Variants in CNTN6 observed in about 807,000 individuals in gnomAD.
The protein encoded by CNTN6 is contactin 6.
In CNTN6, 137 loss-of-function variants were observed where a neutral mutation model predicts 122.8. That is an observed-to-expected ratio of 1.12 (90% CI 0.97 to 1.29). CNTN6 has a LOEUF of 1.29. CNTN6 is among the 50% of genes most tolerant of loss of function. The pLI, the probability that CNTN6 is intolerant of heterozygous loss-of-function variation, is 0.00. For synonymous variants in CNTN6, 570 were observed against 426.0 expected (o/e 1.34, Z -4.16); for missense variants, 1,634 against 1,223.4 (o/e 1.34, Z -5.01).
chr3:1,323,085 T>G (rs1392499874), intron 8 of CNTN6, among the ~76,000 whole-genome samples: 2 of 151,730 alleles, frequency 1.3e-5, no homozygotes, highest in African/African-American at 4.8e-5. Flanking sequence ...ATCTGTAAAC[T>G]GGAAATCAAT....
rs993802505 is a variant in CNTN6 at position 1,383,349 on chromosome 3, G to A, written c.2458G>A (p.Glu820Lys). The change falls in exon 19 of 23, where the codon GAG (glutamate) becomes AAG (lysine). Residue 820 changes from glutamate to lysine, a missense_variant. Coordinates refer to ENST00000446702, the MANE Select transcript of CNTN6 (RefSeq NM_001289080.2). ...CCAGAGTTTTTCTGCTTCTGAAATG[G>A]AGGTTTCATGGAATGCTATTGCCTG... The part of the protein sequence containing the change: ...SLQSFSASEM[E>K]VSWNAIAWNR... The A allele has an allele frequency of 3.1e-6, 5 of 1,614,030 alleles. No individual in the cohort carries two copies. The highest frequency in any genetic ancestry group is 3.4e-6 in the Non-Finnish European group (4 of 1,179,906).
intron 4 of CNTN6, among the ~76,000 whole-genome samples, chr3:1,229,536 T>C (rs1264777851): frequency 6.6e-6 from 1 of 152,190 alleles, no homozygotes; most frequent in East Asian, 1.9e-4. Flanking sequence ...ATCAATGCAC[T>C]CTTTGATATA....
intron 2 of CNTN6, among the ~76,000 whole-genome samples, chr3:1,171,799 G>T (rs1188318448): frequency 3.9e-5 from 6 of 152,194 alleles, no homozygotes; most frequent in Admixed American, 3.9e-4. Context: ...CAGAGACAGA[G>T]AGTCCCCATG....
At chr3:1,296,224 G>T (rs1467193078) in intron 6 of CNTN6, among the ~76,000 whole-genome samples, 1 of 151,268 alleles carries the variant, frequency 6.6e-6, no homozygotes, top group African/African-American at 2.4e-5. Flanking sequence ...TTTTTTTGTT[G>T]TTCACCCTTT....
Position 1,238,401 on chromosome 3 carries a change from A to G in CNTN6, c.358+10408A>G, listed in dbSNP as rs141443659. ...CAACAGGAAAATATCACAGTTCTAA[A>G]TATATATGCACCTAACACTGGTGCT... On this transcript the variant is annotated intron_variant, in intron 4 of 22. Coordinates refer to ENST00000446702, the MANE Select transcript of CNTN6 (RefSeq NM_001289080.2). 7.7e-3 allele frequency among the ~76,000 whole-genome samples: 1,179 copies of G among 152,306 alleles called. 12 individuals are homozygous for G. Among genetic ancestry groups the G allele is most frequent in the African/African-American group, 0.027 (1,119 of 41,550 alleles).
Position 1,403,459 on chromosome 3 carries a change from A to AC in CNTN6, c.*41_*42insC. ...ATCTTTGAGAGTTTTTTGAAAGCAA[A>AC]TCATTCTGTATATATGCTCTCCAGC... On this transcript the variant is annotated 3_prime_UTR_variant, in exon 23 of 23. Transcript: ENST00000446702. 1 of 1,301,354 alleles carries AC rather than the reference A, an allele frequency of 7.7e-7. No homozygotes were observed. The highest frequency in any genetic ancestry group is 1.2e-5 in the South Asian group (1 of 84,014). The allele number at this position is 1,301,354 out of a possible 1,614,324, so 80.6% of individuals were successfully genotyped here.
intron 4 of CNTN6, among the ~76,000 whole-genome samples, chr3:1,244,342 C>G (rs935191221): frequency 1.3e-5 from 2 of 151,738 alleles, no homozygotes; most frequent in Admixed American, 1.3e-4. Context: ...AAAAGTGGGA[C>G]TTGCCGCTGA....
chr3:1,257,519 G>T (rs973769945), intron 4 of CNTN6, among the ~76,000 whole-genome samples: 3 of 152,014 alleles, frequency 2.0e-5, no homozygotes, highest in Admixed American at 6.6e-5. Context: ...TAATGAGCCT[G>T]AGGTAAACAC....
In CNTN6 at chr3:1,231,950, T is replaced by A. The variant is rs1471881292; in HGVS notation, c.358+3957T>A. ...TTCAATTTCTTTTATTTATCAAAGC[T>A]TTTGGTGGTAAAGGTTGAACTTAGA... On this transcript the variant is annotated intron_variant, in intron 4 of 22. Transcript: ENST00000446702. Among the ~76,000 whole-genome samples the A allele has an allele frequency of 2.0e-5, 3 of 152,314 alleles. No individual in the cohort carries two copies. The East Asian group carries it at 5.8e-4, about 29-fold the overall frequency.
chr3:1,151,235 A>T (rs115928465), intron 2 of CNTN6, among the ~76,000 whole-genome samples: 44 of 152,326 alleles, frequency 2.9e-4, no homozygotes, highest in African/African-American at 1.1e-3. Flanking sequence ...TCTTGCTGGT[A>T]CTTGGTAGGG....
At chr3:1,390,025 C>T (rs1297639823) in intron 20 of CNTN6, among the ~76,000 whole-genome samples, 1 of 151,636 alleles carries the variant, frequency 6.6e-6, no homozygotes. Context: ...AACAAGGATA[C>T]CCAGGAATTG....
intron 4 of CNTN6, among the ~76,000 whole-genome samples, chr3:1,255,296 A>G (rs544330527): frequency 7.2e-5 from 11 of 152,202 alleles, no homozygotes; most frequent in African/African-American, 2.6e-4. Context: ...AAAAATTAGG[A>G]CTAAGTTGTA....
intron 11 of CNTN6, among the ~76,000 whole-genome samples, chr3:1,338,059 G>C (rs1205304201): frequency 2.6e-5 from 4 of 152,050 alleles, no homozygotes; most frequent in African/African-American, 7.2e-5. Flanking sequence ...AATGTACGCT[G>C]TTTTACCCTG....
chr3:1,277,724 G>C (rs1692672086), intron 4 of CNTN6, among the ~76,000 whole-genome samples: 1 of 152,100 alleles, frequency 6.6e-6, no homozygotes, highest in East Asian at 1.9e-4. Context: ...TAAAGAAACT[G>C]AGGCTCAAAG....
At chr3:1,234,902 T>C (rs1446115293) in intron 4 of CNTN6, among the ~76,000 whole-genome samples, 2 of 152,232 alleles carry the variant, frequency 1.3e-5, no homozygotes, top group Non-Finnish European at 1.5e-5. Flanking sequence ...GAAAACTTTG[T>C]CTTTGCTTTT....
At chr3:1,113,608 T>C (rs1168197558) in intron 1 of CNTN6, among the ~76,000 whole-genome samples, 1 of 152,164 alleles carries the variant, frequency 6.6e-6, no homozygotes, top group Non-Finnish European at 1.5e-5. Flanking sequence ...TTTACTGCTG[T>C]AGTATTTAAA....
At chr3:1,230,719 A>G (rs990809644) in intron 4 of CNTN6, among the ~76,000 whole-genome samples, 1 of 152,218 alleles carries the variant, frequency 6.6e-6, no homozygotes, top group African/African-American at 2.4e-5. Flanking sequence ...TTGTTAGAGA[A>G]AAGTTGGAAC....
chr3:1,225,349 T>C (rs1472242002), intron 3 of CNTN6, among the ~76,000 whole-genome samples: 1 of 152,192 alleles, frequency 6.6e-6, no homozygotes, highest in African/African-American at 2.4e-5. Flanking sequence ...ACCCCTGATC[T>C]ATATGTACAG....
chr3:1,268,096 C>T (rs1386937646), intron 4 of CNTN6, among the ~76,000 whole-genome samples: 1 of 152,204 alleles, frequency 6.6e-6, no homozygotes, highest in African/African-American at 2.4e-5. Flanking sequence ...TTGGCACTGT[C>T]CTCCCTGCAG....
Sources: allele counts gnomAD v4.1 joint callset (sites outside exome capture counted in the v4.1 genomes callset), GRCh38; gene constraint gnomAD v4.1.1; transcripts MANE v1.5; gene names NCBI Gene and HGNC (gene_info 2026-07-23, HGNC 2026-07-21).